LRMDA: variants seen among roughly 807,000 people sequenced by gnomAD.
LRMDA encodes the protein leucine rich melanocyte differentiation associated, also known as leucine-rich melanocyte differentiation-associated protein.
In LRMDA, 18 loss-of-function variants were observed where a neutral mutation model predicts 29.8. The observed-to-expected ratio is 0.60, with a 90% CI of 0.42 to 0.90. The LOEUF (loss-of-function observed/expected upper bound fraction) is 0.90, where lower values mean the gene tolerates loss of function less well. Among genes scored for constraint, LRMDA ranks in the 40% least tolerant of loss-of-function variants. The pLI is 0.00. For missense variants in LRMDA, 273 were observed against 273.9 expected, an observed-to-expected ratio of 1.00 and a Z score of 0.02; for synonymous variants, 125 against 109.4, an observed-to-expected ratio of 1.14 and a Z score of -0.89.
At chr10:76,166,894 A>C (rs111409759) in intron 5 of LRMDA, among the ~76,000 whole-genome samples, 113 of 152,284 alleles carry the variant, frequency 7.4e-4, no homozygotes, top group African/African-American at 2.7e-3. Flanking sequence ...GGTTGAACTA[A>C]TCTAGACTCC....
At chr10:76,336,290 C>G (rs1435860928) in intron 6 of LRMDA, among the ~76,000 whole-genome samples, 2 of 152,208 alleles carry the variant, frequency 1.3e-5, no homozygotes, top group African/African-American at 4.8e-5. Context: ...CACCTTGACC[C>G]TCCTGGACTT....
At chr10:75,677,718 T>C (rs1035120676) in intron 2 of LRMDA, among the ~76,000 whole-genome samples, 5 of 152,210 alleles carry the variant, frequency 3.3e-5, no homozygotes, top group Admixed American at 1.3e-4. Flanking sequence ...AAACAAAAAC[T>C]GCTTGATGAT....
intron 2 of LRMDA, among the ~76,000 whole-genome samples, chr10:75,441,077 G>A (rs912153801): frequency 1.3e-5 from 2 of 151,936 alleles, no homozygotes; most frequent in Non-Finnish European, 2.9e-5. Context: ...AAACAGGAGA[G>A]GGGGAAAATA....
intron 2 of LRMDA, among the ~76,000 whole-genome samples, chr10:75,640,340 T>C (rs1841437640): frequency 1.3e-5 from 2 of 152,220 alleles, no homozygotes. Context: ...TCTGCATTTA[T>C]GGACAATGAA....
At chr10:76,463,435 C>T (rs1842532626) in intron 6 of LRMDA, among the ~76,000 whole-genome samples, 1 of 152,186 alleles carries the variant, frequency 6.6e-6, no homozygotes, top group Non-Finnish European at 1.5e-5. Context: ...TCTTGTGGGG[C>T]ACTGGCTGCC....
At chr10:75,811,697 C>A (rs1044788658) in intron 2 of LRMDA, among the ~76,000 whole-genome samples, 1 of 152,216 alleles carries the variant, frequency 6.6e-6, no homozygotes, top group African/African-American at 2.4e-5. Flanking sequence ...CAGTGACTTG[C>A]TCATTTCTGG....
At chr10:75,469,559 TG>T (rs1453060991) in intron 2 of LRMDA, among the ~76,000 whole-genome samples, 1 of 147,778 alleles carries the variant, frequency 6.8e-6, no homozygotes, top group Non-Finnish European at 1.5e-5. Context: ...AGTGTTGCAC[TG>T]GCTGCCCATG....
intron 2 of LRMDA, among the ~76,000 whole-genome samples, chr10:75,931,798 C>A (rs1408429457): frequency 3.9e-5 from 6 of 152,246 alleles, no homozygotes; most frequent in Non-Finnish European, 8.8e-5. Context: ...GTCCATGGAG[C>A]CGGCTTTACC....
intron 2 of LRMDA, among the ~76,000 whole-genome samples, chr10:75,475,107 G>A (rs1047905193): frequency 2.4e-4 from 36 of 152,136 alleles, no homozygotes; most frequent in Non-Finnish European, 3.5e-4. Context: ...GCTGTTGCTG[G>A]GGTCCTGGGA....
intron 2 of LRMDA, chr10:75,451,590 G>A (rs183650705): frequency 3.3e-5 from 5 of 152,236 alleles, no homozygotes; most frequent in African/African-American, 1.2e-4. Flanking sequence ...ATTACAACTG[G>A]CAGGGCTGTT....
At chr10:75,663,728 C>T (rs1841784537) in intron 2 of LRMDA, among the ~76,000 whole-genome samples, 1 of 152,142 alleles carries the variant, frequency 6.6e-6, no homozygotes, top group Non-Finnish European at 1.5e-5. Flanking sequence ...TTTTCTGTTA[C>T]TTGGTCTGCC....
At chr10:75,801,718 C>T (rs758968746) in intron 2 of LRMDA, among the ~76,000 whole-genome samples, 2 of 152,168 alleles carry the variant, frequency 1.3e-5, no homozygotes, top group Non-Finnish European at 2.9e-5. Context: ...CCCTCTAAGC[C>T]ATTGAACTTC....
At chr10:75,678,476 C>G (rs761472627) in intron 2 of LRMDA, among the ~76,000 whole-genome samples, 12 of 152,146 alleles carry the variant, frequency 7.9e-5, no homozygotes, top group Non-Finnish European at 1.5e-4. Flanking sequence ...TCCTGATGCT[C>G]TCATTTATAG....
chr10:76,024,703 TG>T (rs1389715458), intron 2 of LRMDA, among the ~76,000 whole-genome samples: 1 of 152,146 alleles, frequency 6.6e-6, no homozygotes, highest in African/African-American at 2.4e-5. Flanking sequence ...TAGGGGCCCT[TG>T]GGGTCCCTGG....
At chr10:75,451,910 G>A (rs1434271562) in intron 2 of LRMDA, among the ~76,000 whole-genome samples, 3 of 151,434 alleles carry the variant, frequency 2.0e-5, no homozygotes, top group African/African-American at 7.3e-5. Flanking sequence ...TGGTGTGTGT[G>A]TATGTGTGTG....
chr10:75,991,391 C>A (rs1185232300), intron 2 of LRMDA, among the ~76,000 whole-genome samples: 1 of 152,158 alleles, frequency 6.6e-6, no homozygotes, highest in African/African-American at 2.4e-5. Flanking sequence ...GTTCCCTGAT[C>A]TTTTTCTAGT....
At chr10:75,654,784 A>G (rs1454799466) in intron 2 of LRMDA, among the ~76,000 whole-genome samples, 1 of 152,248 alleles carries the variant, frequency 6.6e-6, no homozygotes, top group East Asian at 1.9e-4. Flanking sequence ...TGGGAGTTTC[A>G]TATATTTGAA....
In LRMDA at chr10:75,601,960, G is replaced by A. The variant is rs540224183; in HGVS notation, c.131+163466G>A. Among the ~76,000 whole-genome samples, 13 of 152,262 alleles carry A rather than the reference G, an allele frequency of 8.5e-5. No individual in the cohort carries two copies. In the East Asian group the frequency reaches 9.7e-4, roughly 11 times the overall value. ...TACTTCAAAAGCTTATTTTCTTAAT[G>A]AGAAAAATACTCTGTGCGATATCTT... On this transcript the variant is annotated intron_variant, in intron 2 of 6. Coordinates refer to ENST00000611255, the MANE Select transcript of LRMDA (RefSeq NM_001305581.2).
chr10:75,905,191 C>T (rs913008634), intron 2 of LRMDA, among the ~76,000 whole-genome samples: 1 of 150,244 alleles, frequency 6.7e-6, no homozygotes, highest in African/African-American at 2.4e-5. Flanking sequence ...TGGGCAAGCA[C>T]TATTTTCCAG....
Sources: gnomAD v4.1 joint callset for allele counts (sites outside exome capture counted in the v4.1 genomes callset) on GRCh38, gnomAD v4.1.1 for gene constraint, MANE v1.5 for transcripts, NCBI Gene and HGNC (gene_info 2026-07-23, HGNC 2026-07-21) for gene names.